The following RPSA2 variants were observed in gnomAD, a reference collection of about 807,000 sequenced individuals.
RPSA2 encodes the protein small ribosomal subunit protein uS2B.
At chr19:23,801,364 G>C in the RPSA2 span, among the ~76,000 whole-genome samples, 4 of 151,824 alleles carry the variant, frequency 2.6e-5, no homozygotes, top group Non-Finnish European at 2.9e-5. Flanking sequence ...TCAGCCTCCC[G>C]AGTAGCTTGG....
the RPSA2 span, among the ~76,000 whole-genome samples, chr19:23,812,730 TGTCTAA>T: frequency 6.6e-6 from 1 of 152,176 alleles, no homozygotes. Context: ...GGTTTTATCT[TGTCTAA>T]GTGAGTAGCC....
the RPSA2 span, among the ~76,000 whole-genome samples, chr19:23,759,305 C>T: frequency 2.0e-5 from 3 of 152,078 alleles, no homozygotes. Context: ...TTCAAATCTT[C>T]CTGGATGGGC....
At chr19:23,844,831 A>C in the RPSA2 span, among the ~76,000 whole-genome samples, 1 of 151,608 alleles carries the variant, frequency 6.6e-6, no homozygotes. Context: ...GAAGAGTTTC[A>C]GGAGGATTTG....
chr19:23,775,291 G>A, the RPSA2 span, among the ~76,000 whole-genome samples: 2 of 152,178 alleles, frequency 1.3e-5, no homozygotes, highest in Non-Finnish European at 2.9e-5. Flanking sequence ...AATTGTGACT[G>A]TTGTAAGTGA....
the RPSA2 span, among the ~76,000 whole-genome samples, chr19:23,847,079 G>A: frequency 6.6e-6 from 1 of 151,766 alleles, no homozygotes; most frequent in Admixed American, 6.6e-5. Flanking sequence ...TTTTGTCTCA[G>A]TAAATTATTT....
At chr19:23,832,975 T>C in the RPSA2 span, 1 of 1,468,678 alleles carries the variant, frequency 6.8e-7, no homozygotes. Flanking sequence ...ACCCTACAAG[T>C]GTGAAGAATG....
At chr19:23,813,421 CTAT>C in the RPSA2 span, among the ~76,000 whole-genome samples, 4 of 151,950 alleles carry the variant, frequency 2.6e-5, no homozygotes, top group African/African-American at 9.7e-5. Flanking sequence ...ATGAGTGTGA[CTAT>C]TTTATATATC....
At chr19:23,782,823 TCTC>T in the RPSA2 span, among the ~76,000 whole-genome samples, 6 of 152,200 alleles carry the variant, frequency 3.9e-5, no homozygotes, top group African/African-American at 1.4e-4. Context: ...AGGCTATGTC[TCTC>T]CTCTTGTCTA....
the RPSA2 span, chr19:23,831,768 T>C: frequency 1.0e-5 from 3 of 288,354 alleles, no homozygotes; most frequent in Non-Finnish European, 2.2e-5. Context: ...TATAATGGAC[T>C]TAACAAGTGT....
chr19:23,812,802 T>C, the RPSA2 span, among the ~76,000 whole-genome samples: 1 of 152,236 alleles, frequency 6.6e-6, no homozygotes, highest in African/African-American at 2.4e-5. Flanking sequence ...ATTTCCTTTG[T>C]GTGAGACAAA....
the RPSA2 span, among the ~76,000 whole-genome samples, chr19:23,766,830 C>G: frequency 6.6e-6 from 1 of 150,848 alleles, no homozygotes; most frequent in South Asian, 2.1e-4. Context: ...GTTATCTTGG[C>G]TCACTACAAT....
At chr19:23,833,592 C>T in the RPSA2 span, among the ~76,000 whole-genome samples, 2 of 151,944 alleles carry the variant, frequency 1.3e-5, no homozygotes, top group African/African-American at 2.4e-5. Flanking sequence ...AATGCTCACA[C>T]GTTATTGCAC....
chr19:23,850,070 A>G, the RPSA2 span, among the ~76,000 whole-genome samples: 1 of 152,002 alleles, frequency 6.6e-6, no homozygotes, highest in Non-Finnish European at 1.5e-5. Flanking sequence ...GAGGGTATTT[A>G]TAACCCCTAG....
chr19:23,800,031 T>TC, the RPSA2 span, among the ~76,000 whole-genome samples: 5 of 146,288 alleles, frequency 3.4e-5, no homozygotes, highest in African/African-American at 1.0e-4. Flanking sequence ...CTTTTTCTTT[T>TC]TTTTTTTTTT....
chr19:23,845,971 T>C, the RPSA2 span, among the ~76,000 whole-genome samples: 6 of 152,224 alleles, frequency 3.9e-5, no homozygotes, highest in African/African-American at 1.4e-4. Flanking sequence ...TTGCCAGCTT[T>C]CCTATCTCAA....
chr19:23,765,755 G>C, the RPSA2 span, among the ~76,000 whole-genome samples: 1 of 152,098 alleles, frequency 6.6e-6, no homozygotes, highest in East Asian at 1.9e-4. Flanking sequence ...AATTTGCAAT[G>C]TACCCTTGAA....
At chr19:23,828,859 G>T in the RPSA2 span, among the ~76,000 whole-genome samples, 9 of 150,916 alleles carry the variant, frequency 6.0e-5, no homozygotes, top group South Asian at 2.1e-4. Flanking sequence ...AAAATATATT[G>T]TTCTAATTAT....
chr19:23,860,855 C>T, the RPSA2 span, among the ~76,000 whole-genome samples: 8 of 152,100 alleles, frequency 5.3e-5, no homozygotes, highest in African/African-American at 1.9e-4. Flanking sequence ...GAAAACAGAC[C>T]CTTAAGTGTC....
chr19:23,801,424 A>C, the RPSA2 span, among the ~76,000 whole-genome samples: 1 of 152,044 alleles, frequency 6.6e-6, no homozygotes, highest in Non-Finnish European at 1.5e-5. Flanking sequence ...TACTTTTTTC[A>C]GCAGACATGG....
Sources: gnomAD v4.1 joint callset for allele counts (sites outside exome capture counted in the v4.1 genomes callset) on GRCh38, gnomAD v4.1.1 for gene constraint, MANE v1.5 for transcripts, NCBI Gene and HGNC (gene_info 2026-07-23, HGNC 2026-07-21) for gene names.